COL4A5: variants seen among roughly 807,000 people sequenced by gnomAD.
COL4A5 encodes the protein collagen type IV alpha 5 chain, also known as collagen alpha-5(IV) chain.
A neutral mutation model predicts 130.2 loss-of-function variants in COL4A5; 26 were observed. The observed-to-expected ratio is 0.20, with a 90% CI of 0.15 to 0.28. The LOEUF (loss-of-function observed/expected upper bound fraction) is 0.28. COL4A5 is among the 10% of genes least tolerant of loss of function. COL4A5 has a pLI of 1.00. For missense variants in COL4A5, 1,131 were observed against 1,344.3 expected, an observed-to-expected ratio of 0.84 and a Z score of 2.48; for synonymous variants, 496 against 439.6, an observed-to-expected ratio of 1.13 and a Z score of -1.60.
At chrX:108,616,539 G>A (rs1247177816) in intron 30 of COL4A5, among the ~76,000 whole-genome samples, 1 of 111,165 alleles carries the variant, frequency 9.0e-6, no homozygotes, top group African/African-American at 3.3e-5. Flanking sequence ...CCCGGCCCCT[G>A]CTGTTTTACA....
chrX:108,502,951 G>A (rs756183269), intron 1 of COL4A5, among the ~76,000 whole-genome samples: 6 of 112,117 alleles, frequency 5.4e-5, no homozygotes, highest in African/African-American at 1.9e-4. Context: ...TCTTAAATGT[G>A]TGGGTTTTCC....
chrX:108,468,849 A>G (rs58274892), intron 1 of COL4A5, among the ~76,000 whole-genome samples: 11,385 of 109,727 alleles, frequency 0.1, 1,298 homozygotes, highest in African/African-American at 0.34. Flanking sequence ...TTTGGCTTTC[A>G]TATCAGAATA....
intron 4 of COL4A5, 67 bp downstream of exon 4, chrX:108,563,993 T>C: frequency 2.1e-6 from 2 of 973,126 alleles, no homozygotes; most frequent in Non-Finnish European, 1.5e-6. Flanking sequence ...AATGAAGTAT[T>C]ATGAGACAAT....
rs553544789 is a variant in COL4A5, at chrX:108,546,803, C to T, written c.141+6998C>T. ...TCCCATATTTCTTGGAGGCTTTGTT[C>T]GTTTCTTTTTATTCTTTTTTCTCTA... On this transcript the variant is annotated intron_variant, in intron 2 of 52. Coordinates refer to ENST00000328300, the MANE Select transcript of COL4A5 (RefSeq NM_033380.3). 9.3e-4 allele frequency among the ~76,000 whole-genome samples: 104 copies of T among 111,275 alleles called. 1 individual carries two copies. The South Asian group carries it at 0.035, about 37-fold the overall frequency.
intron 47 of COL4A5, 38 bp from the exon 48 acceptor site, chrX:108,685,993 T>C: frequency 1.9e-6 from 2 of 1,072,615 alleles, no homozygotes; most frequent in Non-Finnish European, 2.6e-6. Flanking sequence ...TGTGAAAATA[T>C]TCTACTCATA....
chrX:108,684,570 G>A (rs186719528), intron 47 of COL4A5, among the ~76,000 whole-genome samples: 3 of 112,259 alleles, frequency 2.7e-5, no homozygotes, highest in South Asian at 7.3e-4. Flanking sequence ...TCGAATCCTT[G>A]AATAGGCCAA....
At chrX:108,594,629 T>A (rs1422415948) in intron 21 of COL4A5, among the ~76,000 whole-genome samples, 1 of 108,679 alleles carries the variant, frequency 9.2e-6, no homozygotes, top group Non-Finnish European at 1.9e-5. Context: ...TGCTTGCTGT[T>A]CCTTGTATAT....
chrX:108,439,972 C>T lies in COL4A5; in HGVS notation c.-154C>T, dbSNP rs2064368223. On this transcript the variant is annotated 5_prime_UTR_variant, in exon 1 of 53. Transcript: ENST00000328300. ...TTCTTCTTCTTCTTTTTTTTTTCTT[C>T]CACTCTTAAAAAGCTTCTTTCTCTT... 4.6e-6 allele frequency: 2 copies of T among 439,226 alleles called. No individual in the cohort carries two copies. The highest frequency in any genetic ancestry group is 3.5e-5 in the South Asian group (1 of 28,571). 36.2% of individuals were successfully genotyped at this position (439,226 alleles called of 1,213,427 possible). A position where few individuals can be genotyped will look rare whatever the true frequency, so the allele number is the denominator to read the frequency against.
At chrX:108,473,668 G>A (rs2147513008) in intron 1 of COL4A5, among the ~76,000 whole-genome samples, 1 of 70,272 alleles carries the variant, frequency 1.4e-5, no homozygotes, top group East Asian at 3.7e-4. Context: ...TTGCTCTCCA[G>A]TAGCCCAGGC....
intron 38 of COL4A5, 68 bp downstream of exon 38, chrX:108,665,655 T>C (rs1238393753): frequency 7.8e-6 from 6 of 766,103 alleles, no homozygotes; most frequent in Non-Finnish European, 1.2e-5. Context: ...TTTGGGAAAG[T>C]CAAATCATGT....
intron 1 of COL4A5, among the ~76,000 whole-genome samples, chrX:108,443,997 A>G (rs982988738): frequency 1.8e-5 from 2 of 111,724 alleles, no homozygotes; most frequent in African/African-American, 6.5e-5. Context: ...CTTAATGTAT[A>G]TATTTATTCA....
chrX:108,686,863 G>A (rs1484349061), intron 48 of COL4A5, among the ~76,000 whole-genome samples: 1 of 111,969 alleles, frequency 8.9e-6, no homozygotes, highest in Non-Finnish European at 1.9e-5. Flanking sequence ...CCTTCCTAGA[G>A]TCAATGCCCT....
At chrX:108,692,705 T>C in intron 49 of COL4A5, 43 bp from the exon 50 acceptor site, 2 of 1,179,186 alleles carry the variant, frequency 1.7e-6, no homozygotes, top group Non-Finnish European at 2.3e-6. Flanking sequence ...CAAAGTATCA[T>C]TATCACGCAG....
intron 41 of COL4A5, among the ~76,000 whole-genome samples, chrX:108,669,516 G>A (rs769308917): frequency 1.6e-4 from 18 of 111,828 alleles, no homozygotes; most frequent in Non-Finnish European, 3.2e-4. Context: ...ATAATCTGAT[G>A]GAAAGTATTG....
At chrX:108,673,718 A>G (rs944557730) in intron 42 of COL4A5, among the ~76,000 whole-genome samples, 3 of 107,335 alleles carry the variant, frequency 2.8e-5, no homozygotes, top group Non-Finnish European at 3.8e-5. Context: ...AACTTATTGC[A>G]AGTACTATAA....
intron 1 of COL4A5, among the ~76,000 whole-genome samples, chrX:108,478,792 G>A (rs764378072): frequency 1.8e-5 from 2 of 112,109 alleles, no homozygotes; most frequent in Admixed American, 9.4e-5. Context: ...GAAGCATTGC[G>A]TGCAGGATAG....
intron 3 of COL4A5, among the ~76,000 whole-genome samples, chrX:108,562,783 C>T (rs2065914789): frequency 1.8e-5 from 2 of 111,390 alleles, no homozygotes; most frequent in African/African-American, 6.5e-5. Flanking sequence ...AATATGCACA[C>T]TCGCAATTTT....
rs998880570 is a variant in COL4A5 at position 108,603,203 on chromosome X, T to TA, written c.2244+149dup. 4 of 319,149 alleles carry TA rather than the reference T, an allele frequency of 1.3e-5. No individual in the cohort carries two copies. In the Admixed American group the frequency reaches 1.6e-4, roughly 13 times the overall value. 26.3% of individuals were successfully genotyped at this position (319,149 alleles called of 1,213,427 possible). ...TACAGATAACTTATTATATTTCCAT[T>TA]AAAAAAATATTTAACCCCAAATCAT... On this transcript the variant is annotated intron_variant, in intron 28 of 52. Coordinates refer to ENST00000328300, the MANE Select transcript of COL4A5 (RefSeq NM_033380.3).
chrX:108,685,256 A>C (rs1462877820), intron 47 of COL4A5, among the ~76,000 whole-genome samples: 2 of 112,023 alleles, frequency 1.8e-5, no homozygotes, highest in Non-Finnish European at 3.8e-5. Context: ...TATTCATTGG[A>C]GAACATTTCC....
Sources: gnomAD v4.1 joint callset for allele counts (sites outside exome capture counted in the v4.1 genomes callset) on GRCh38, gnomAD v4.1.1 for gene constraint, MANE v1.5 for transcripts, NCBI Gene and HGNC (gene_info 2026-07-23, HGNC 2026-07-21) for gene names.